Variants in LGR5 observed in about 807,000 individuals in gnomAD.
LGR5 encodes leucine-rich repeat-containing G protein-coupled receptor 5.
Under a neutral mutation model 76.7 loss-of-function variants are expected in LGR5, and 54 were observed. The observed-to-expected ratio is 0.70, with a 90% CI of 0.57 to 0.88. The LOEUF is 0.88. Ranked by LOEUF, LGR5 falls within the 40% of genes least tolerant of loss-of-function variation. The pLI is 0.00. For missense variants in LGR5, 1,078 were observed against 1,073.3 expected (o/e 1.00, Z -0.06); for synonymous variants, 406 against 421.9 (o/e 0.96, Z 0.46).
At chr12:71,498,499 T>G (rs1480709030) in intron 1 of LGR5, among the ~76,000 whole-genome samples, 1 of 152,222 alleles carries the variant, frequency 6.6e-6, no homozygotes, top group Non-Finnish European at 1.5e-5. Context: ...CATGGTTCCA[T>G]AGTGTAGTGG....
Position 71,580,356 on chromosome 12 carries a change from G to C in LGR5, c.1485G>C (p.Trp495Cys). Reference sequence around the variant, plus strand: ...ATGCCTATAAGATTTCTAATCAATGGAATAAAGGTGACAACAGCAGTATGG... The same window carrying C: ...ATGCCTATAAGATTTCTAATCAATGCAATAAAGGTGACAACAGCAGTATGG... Reference protein sequence around the residue: ...CENAYKISNQWNKGDNSSMDD... With the variant: ...CENAYKISNQCNKGDNSSMDD... Residue 495 changes from tryptophan (W) to cysteine (C), a missense_variant, in exon 16 of 18, where the codon TGG becomes TGC. Trp to Cys is a radical substitution (Grantham distance 215). Transcript: ENST00000266674. 1.2e-6 allele frequency: 2 copies of C among 1,613,986 alleles called. No individual in the cohort carries two copies. The highest frequency in any genetic ancestry group is 1.7e-6 in the Non-Finnish European group (2 of 1,179,916).
intron 1 of LGR5, among the ~76,000 whole-genome samples, chr12:71,493,916 GGGC>G (rs1162418362): frequency 6.7e-6 from 1 of 149,178 alleles, no homozygotes; most frequent in Non-Finnish European, 1.5e-5. Flanking sequence ...CCACAGGCAT[GGGC>G]CACCATGCCC....
At chr12:71,514,108 C>A (rs1875308518) in intron 2 of LGR5, among the ~76,000 whole-genome samples, 1 of 151,150 alleles carries the variant, frequency 6.6e-6, no homozygotes, top group African/African-American at 2.4e-5. Context: ...ACAACAAAAA[C>A]AAACAAACAA....
chr12:71,528,937 A>G (rs1192658879), intron 3 of LGR5, among the ~76,000 whole-genome samples: 2 of 152,192 alleles, frequency 1.3e-5, no homozygotes, highest in Admixed American at 1.3e-4. Context: ...GAATTTTGAG[A>G]CAGGATAAAT....
intron 1 of LGR5, among the ~76,000 whole-genome samples, chr12:71,445,837 C>G (rs12310048): frequency 0.028 from 4,268 of 152,290 alleles, 200 homozygotes; most frequent in African/African-American, 0.096. Flanking sequence ...AGAAGTGCTT[C>G]CGTATATCCT....
At chr12:71,523,764 A>G (rs550988573) in intron 2 of LGR5, among the ~76,000 whole-genome samples, 1 of 152,326 alleles carries the variant, frequency 6.6e-6, no homozygotes, top group East Asian at 1.9e-4. Flanking sequence ...GTAAACTTCT[A>G]AAATTTTACC....
chr12:71,562,262 A>G (rs1204442388), intron 8 of LGR5, among the ~76,000 whole-genome samples: 2 of 152,226 alleles, frequency 1.3e-5, no homozygotes, highest in Non-Finnish European at 2.9e-5. Context: ...ACTCCAGCCT[A>G]AATTGATGGT....
At chr12:71,564,775 C>T (rs1475644524) in intron 8 of LGR5, among the ~76,000 whole-genome samples, 1 of 146,184 alleles carries the variant, frequency 6.8e-6, no homozygotes, top group African/African-American at 2.5e-5. Flanking sequence ...TATGTACACA[C>T]TGCATATATA....
At chr12:71,522,686 C>T (rs747765983) in intron 2 of LGR5, among the ~76,000 whole-genome samples, 8 of 151,744 alleles carry the variant, frequency 5.3e-5, no homozygotes, top group Non-Finnish European at 8.8e-5. Flanking sequence ...TTAGGTACCA[C>T]GAGATAGGTA....
chr12:71,445,740 G>A lies in LGR5; in HGVS notation c.212+5448G>A, dbSNP rs146886042. Among the ~76,000 whole-genome samples, 8 of 152,244 alleles carry A rather than the reference G, an allele frequency of 5.3e-5. 1 individual carries two copies. Among genetic ancestry groups the A allele is most frequent in the Non-Finnish European group, 1.0e-4 (7 of 68,008 alleles). On this transcript the variant is annotated intron_variant, in intron 1 of 17. Coordinates refer to ENST00000266674, the MANE Select transcript of LGR5 (RefSeq NM_003667.4). The stretch of plus-strand genomic sequence containing the variant: ...CGTTAGTCATTTGATTTCAAGAAAT[G>A]GAATAATGTATCTAGTGGTAATGCT...
chr12:71,454,865 A>G (rs1872401312), intron 1 of LGR5, among the ~76,000 whole-genome samples: 1 of 151,920 alleles, frequency 6.6e-6, no homozygotes, highest in African/African-American at 2.4e-5. Flanking sequence ...CTCATTGTGG[A>G]AATACCCTCA....
At chr12:71,450,177 A>G (rs931107440) in intron 1 of LGR5, among the ~76,000 whole-genome samples, 1 of 152,188 alleles carries the variant, frequency 6.6e-6, no homozygotes, top group African/African-American at 2.4e-5. Context: ...GCCCAGTACT[A>G]CTTCTTGGTC....
chr12:71,485,287 CAATAA>C lies in LGR5; in HGVS notation c.213-19323_213-19319del, dbSNP rs565219821. 3.9e-4 allele frequency among the ~76,000 whole-genome samples: 59 copies of C among 152,168 alleles called. No individual in the cohort carries two copies. In the South Asian group the frequency reaches 3.9e-3, roughly 10 times the overall value. ...TTCTGTTAAAGAAAAATCTGAAACA[CAATAA>C]AATTTTAAAGAGTTCATTTGTGTAA... On this transcript the variant is annotated intron_variant, in intron 1 of 17. Coordinates refer to ENST00000266674, the MANE Select transcript of LGR5 (RefSeq NM_003667.4).
At chr12:71,454,473 A>T (rs1872380271) in intron 1 of LGR5, among the ~76,000 whole-genome samples, 1 of 152,188 alleles carries the variant, frequency 6.6e-6, no homozygotes. Flanking sequence ...ATAATTTCCA[A>T]TGAAGAGTCA....
At chr12:71,500,350 GGC>G (rs1874545617) in intron 1 of LGR5, among the ~76,000 whole-genome samples, 1 of 152,084 alleles carries the variant, frequency 6.6e-6, no homozygotes, top group Non-Finnish European at 1.5e-5. Context: ...TTTCAGCCCT[GGC>G]TGAACATTCG....
intron 4 of LGR5, among the ~76,000 whole-genome samples, chr12:71,551,680 T>C (rs1218489887): frequency 6.6e-6 from 1 of 152,174 alleles, no homozygotes; most frequent in Non-Finnish European, 1.5e-5. Flanking sequence ...ACCTTTAAAT[T>C]ATAGCCACTG....
At chr12:71,575,566 C>T (rs1464454140) in intron 13 of LGR5, among the ~76,000 whole-genome samples, 1 of 151,992 alleles carries the variant, frequency 6.6e-6, no homozygotes, top group Non-Finnish European at 1.5e-5. Flanking sequence ...AAAAAATTAG[C>T]TGGGCATAGT....
chr12:71,440,050 G>C lies in LGR5; in HGVS notation c.-31G>C. 6.3e-7 allele frequency: 1 copy of C among 1,593,984 alleles called. No homozygotes were observed. Among genetic ancestry groups the C allele is most frequent in the Non-Finnish European group, 8.5e-7 (1 of 1,175,830 alleles). ...CAGTCCGGTGCTGCTCTCCGCCCGC[G>C]TCCGGCTCGTGGCCCCCTACTTCGG... On this transcript the variant is annotated 5_prime_UTR_variant, in exon 1 of 18. Transcript: ENST00000266674. The surrounding 1 kb of genome is among the most constrained non-coding windows in gnomAD (Gnocchi z 5.3).
intron 11 of LGR5, among the ~76,000 whole-genome samples, chr12:71,567,902 G>C (rs1336995421): frequency 6.6e-6 from 1 of 152,048 alleles, no homozygotes; most frequent in South Asian, 2.1e-4. Flanking sequence ...AGCAGTATTA[G>C]AGAATTTAAT....
Sources: gnomAD v4.1 joint callset for allele counts (sites outside exome capture counted in the v4.1 genomes callset) on GRCh38, gnomAD v4.1.1 for gene constraint, Gnocchi (gnomAD v3.1) non-coding constraint, MANE v1.5 for transcripts, NCBI Gene and HGNC (gene_info 2026-07-23, HGNC 2026-07-21) for gene names.